IGSF11: variants seen among roughly 807,000 people sequenced by gnomAD.
The protein encoded by IGSF11 is CXADR like 1.
Under a neutral mutation model 41.0 loss-of-function variants are expected in IGSF11, and 22 were observed. The ratio of observed to expected loss-of-function variants is 0.54; its 90% CI spans 0.38 to 0.77. The LOEUF is 0.77. Among genes scored for constraint, IGSF11 ranks in the 30% least tolerant of loss-of-function variants. The probability of loss-of-function intolerance (pLI) is 0.00; values close to 1 mark genes in which losing one functional copy is unlikely to be tolerated. For missense variants in IGSF11, 444 were observed against 530.8 expected (o/e 0.84, Z 1.61); for synonymous variants, 219 against 201.3 (o/e 1.09, Z -0.74).
chr3:119,145,983 T>C, exon 1 of IGSF11: 1 of 561,276 alleles, frequency 1.8e-6, no homozygotes, highest in Non-Finnish European at 3.2e-6. Flanking sequence ...CATGGCGTAC[T>C]CCCTGCGCTC....
At chr3:119,105,870 T>C (rs1448218410), upstream of IGSF11, among the ~76,000 whole-genome samples, 1 of 152,182 alleles carries the variant, frequency 6.6e-6, no homozygotes, top group Non-Finnish European at 1.5e-5. Flanking sequence ...TTTTGCCCTT[T>C]CTTACTCCAA....
chr3:119,115,461 T>A (rs1316642847), intron 1 of IGSF11, among the ~76,000 whole-genome samples: 1 of 152,236 alleles, frequency 6.6e-6, no homozygotes, highest in African/African-American at 2.4e-5. Context: ...GGTGAGATGA[T>A]ATCTCATTGA....
intron 1 of IGSF11, among the ~76,000 whole-genome samples, chr3:119,058,326 C>T (rs1477460738): frequency 6.6e-6 from 1 of 152,190 alleles, no homozygotes; most frequent in Non-Finnish European, 1.5e-5. Flanking sequence ...TATGAACAGA[C>T]ACTTCCCAAA....
intron 1 of IGSF11, among the ~76,000 whole-genome samples, chr3:118,979,340 T>TCC: frequency 6.6e-6 from 1 of 152,190 alleles, no homozygotes; most frequent in East Asian, 1.9e-4. Flanking sequence ...AACTATTTAA[T>TCC]AAAATAACAG....
chr3:119,079,746 G>C (rs71325362), intron 1 of IGSF11, among the ~76,000 whole-genome samples: 1,589 of 152,300 alleles, frequency 0.01, 15 homozygotes, highest in Non-Finnish European at 0.016. Flanking sequence ...TATGGATGCA[G>C]CTAGAAGTCA....
chr3:119,106,503 A>G (rs1042457509), upstream of IGSF11, among the ~76,000 whole-genome samples: 1 of 152,188 alleles, frequency 6.6e-6, no homozygotes, highest in Non-Finnish European at 1.5e-5. Flanking sequence ...AATGACCTAC[A>G]GTTCCATCCA....
intron 1 of IGSF11, among the ~76,000 whole-genome samples, chr3:119,121,748 C>T (rs2077336439): frequency 6.6e-6 from 1 of 152,042 alleles, no homozygotes; most frequent in South Asian, 2.1e-4. Flanking sequence ...GAGATTTCCA[C>T]CAAGACATAC....
chr3:119,077,421 A>G (rs1389894603), intron 1 of IGSF11, among the ~76,000 whole-genome samples: 1 of 152,202 alleles, frequency 6.6e-6, no homozygotes, highest in Non-Finnish European at 1.5e-5. Context: ...ATGAAAGAAA[A>G]AAGAAACATC....
intron 1 of IGSF11, among the ~76,000 whole-genome samples, chr3:118,975,178 A>T (rs1933930633): frequency 6.6e-6 from 1 of 152,160 alleles, no homozygotes; most frequent in Admixed American, 6.6e-5. Context: ...CCTATTGAAG[A>T]GATTTTGCCT....
intron 1 of IGSF11, among the ~76,000 whole-genome samples, chr3:119,011,064 C>T (rs1576636473): frequency 6.6e-6 from 1 of 152,224 alleles, no homozygotes; most frequent in South Asian, 2.1e-4. Context: ...CAAATTAATC[C>T]TTCCACAAAT....
At chr3:119,002,782 TA>T (rs1327995029) in intron 1 of IGSF11, among the ~76,000 whole-genome samples, 2 of 98,344 alleles carry the variant, frequency 2.0e-5, no homozygotes, top group East Asian at 5.3e-4. Context: ...CAGATAGTTG[TA>T]GGTATGCGGC....
chr3:119,004,721 C>A (rs1937298052), intron 1 of IGSF11, among the ~76,000 whole-genome samples: 1 of 147,886 alleles, frequency 6.8e-6, no homozygotes, highest in Admixed American at 6.7e-5. Flanking sequence ...TCGTTATGTA[C>A]CCAGTAGTCA....
At chr3:119,120,601 G>A (rs2077318993) in intron 1 of IGSF11, among the ~76,000 whole-genome samples, 2 of 152,240 alleles carry the variant, frequency 1.3e-5, no homozygotes, top group African/African-American at 4.8e-5. Context: ...CAGGGGATCA[G>A]TTTGACCAGG....
intron 1 of IGSF11, among the ~76,000 whole-genome samples, chr3:119,026,942 C>T (rs1939886263): frequency 6.6e-6 from 1 of 152,150 alleles, no homozygotes; most frequent in South Asian, 2.1e-4. Flanking sequence ...TCATTTGCGG[C>T]CAATGATAAA....
At chr3:118,962,534 G>T (rs1309472371) in intron 1 of IGSF11, among the ~76,000 whole-genome samples, 2 of 152,124 alleles carry the variant, frequency 1.3e-5, no homozygotes, top group Non-Finnish European at 2.9e-5. Context: ...AAATACAGGT[G>T]GAAGAAGTAT....
chr3:119,050,082 G>T (rs1576730626), intron 1 of IGSF11, among the ~76,000 whole-genome samples: 2 of 149,152 alleles, frequency 1.3e-5, no homozygotes, highest in Non-Finnish European at 3.0e-5. Context: ...TCAGGACATA[G>T]GCATGGGCAA....
chr3:119,142,054 T>C (rs915251274), intron 1 of IGSF11, among the ~76,000 whole-genome samples: 9 of 152,060 alleles, frequency 5.9e-5, no homozygotes, highest in African/African-American at 1.9e-4. Flanking sequence ...GGAGGACGGA[T>C]CACGAGGTCA....
At chr3:119,088,232 C>A (rs1443949118) in intron 1 of IGSF11, among the ~76,000 whole-genome samples, 1 of 126,506 alleles carries the variant, frequency 7.9e-6, no homozygotes, top group Non-Finnish European at 1.9e-5. Flanking sequence ...CTCTGTGGAC[C>A]ACGGTGAAAA....
intron 1 of IGSF11, among the ~76,000 whole-genome samples, chr3:119,096,197 G>A (rs1053927220): frequency 1.3e-5 from 2 of 151,984 alleles, no homozygotes; most frequent in Non-Finnish European, 2.9e-5. Context: ...TCTTCTTGAT[G>A]GGAGGGTACC....
Sources: gnomAD v4.1 joint callset for allele counts (sites outside exome capture counted in the v4.1 genomes callset) on GRCh38, gnomAD v4.1.1 for gene constraint, MANE v1.5 for transcripts, NCBI Gene and HGNC (gene_info 2026-07-23, HGNC 2026-07-21) for gene names.